Variants in KLF7 observed in about 807,000 individuals in gnomAD.
The protein encoded by KLF7 is KLF transcription factor 7, also known as Krueppel-like factor 7.
Under a neutral mutation model 27.3 loss-of-function variants are expected in KLF7, and 2 were observed. The observed-to-expected ratio is 0.07, with a 90% confidence interval of 0.03 to 0.23. The LOEUF is 0.23. Among genes scored for constraint, KLF7 ranks in the 10% least tolerant of loss-of-function variants. The pLI is 1.00. For synonymous variants in KLF7, 165 were observed against 162.4 expected (o/e 1.02, Z -0.12); for missense variants, 221 against 394.1 (o/e 0.56, Z 3.72).
intron 1 of KLF7, among the ~76,000 whole-genome samples, chr2:207,128,499 A>C (rs1021703968): frequency 6.6e-6 from 1 of 152,222 alleles, no homozygotes; most frequent in East Asian, 1.9e-4. Flanking sequence ...TATGATGAGA[A>C]ACAAGGTATC....
At chr2:207,129,035 A>G (rs1460124989) in intron 1 of KLF7, among the ~76,000 whole-genome samples, 3 of 152,240 alleles carry the variant, frequency 2.0e-5, no homozygotes, top group South Asian at 2.1e-4. Context: ...GCGTAACATT[A>G]GGGGAAGCTG....
upstream of KLF7, chr2:207,166,211 T>C: frequency 2.0e-6 from 2 of 982,400 alleles, no homozygotes; most frequent in African/African-American, 1.7e-5. Flanking sequence ...AACAGGGGGC[T>C]CATGAAGTCA....
chr2:207,140,584 T>C (rs2077912690), intron 1 of KLF7, among the ~76,000 whole-genome samples: 1 of 152,180 alleles, frequency 6.6e-6, no homozygotes, highest in Non-Finnish European at 1.5e-5. Context: ...TATAAAAATC[T>C]TGGATGCCAG....
At chr2:207,084,455 A>C (rs1227401321) in intron 3 of KLF7, among the ~76,000 whole-genome samples, 1 of 151,950 alleles carries the variant, frequency 6.6e-6, no homozygotes, top group Non-Finnish European at 1.5e-5. Context: ...AGTGGAAAAA[A>C]GTAAACCAAA....
intron 1 of KLF7, among the ~76,000 whole-genome samples, chr2:207,129,863 G>A (rs1038367003): frequency 6.6e-6 from 1 of 152,160 alleles, no homozygotes; most frequent in African/African-American, 2.4e-5. Context: ...GAATTTTCCA[G>A]AGACAGAAGT....
At chr2:207,165,403 C>T (rs1358013635) in intron 1 of KLF7, 64 bp downstream of exon 1, 2 of 1,610,662 alleles carry the variant, frequency 1.2e-6, no homozygotes. Flanking sequence ...AGAGCCCACA[C>T]CAACGCAGCC....
In KLF7 at chr2:207,081,114, T is replaced by C. The variant is rs76963273; in HGVS notation, c.*99A>G. On this transcript the variant is annotated 3_prime_UTR_variant, in exon 4 of 4. Transcript: ENST00000309446. ...AGGTTTATAAGTGAGAACTTTCTTC[T>C]GCGAGGCAATGGGTCCCCGCCTGAA... The C allele has an allele frequency of 6.0e-5, 58 of 972,288 alleles. No homozygotes were observed. In the East Asian group the frequency reaches 1.4e-3, roughly 23 times the overall value. The allele number at this position is 972,288 out of a possible 1,614,324, so 60.2% of individuals were successfully genotyped here. A position where few individuals can be genotyped will look rare whatever the true frequency, so the allele number is the denominator to read the frequency against.
chr2:207,106,118 T>C (rs2076877645), intron 2 of KLF7, among the ~76,000 whole-genome samples: 1 of 152,244 alleles, frequency 6.6e-6, no homozygotes, highest in South Asian at 2.1e-4. Context: ...AAATTATATA[T>C]GTGGCTCACA....
chr2:207,152,842 C>A (rs184792381), intron 1 of KLF7, among the ~76,000 whole-genome samples: 1 of 152,156 alleles, frequency 6.6e-6, no homozygotes, highest in Admixed American at 6.5e-5. Context: ...TAGTCACAAG[C>A]CCAAATGCAT....
In KLF7 at chr2:207,077,486, G is replaced by A. The variant is rs949003699; in HGVS notation, c.*3727C>T. 6.6e-6 allele frequency: 1 copy of A among 152,218 alleles called. No homozygotes were observed. Among genetic ancestry groups the A allele is most frequent in the Non-Finnish European group, 1.5e-5 (1 of 68,062 alleles). The allele number at this position is 152,218 out of a possible 1,614,324, so 9.4% of individuals were successfully genotyped here. On this transcript the variant is annotated 3_prime_UTR_variant, in exon 4 of 4. Transcript: ENST00000309446. The stretch of plus-strand genomic sequence containing the variant: ...AGGGCACAAGAGGTGCAGGTGGAGA[G>A]GAGATGGCGTCGAGAGAAGAGGATA...
At chr2:207,095,791 A>G (rs905534552) in intron 2 of KLF7, among the ~76,000 whole-genome samples, 1 of 152,234 alleles carries the variant, frequency 6.6e-6, no homozygotes, top group Non-Finnish European at 1.5e-5. Flanking sequence ...AGGAATTAGT[A>G]TTAAAAAAGA....
At chr2:207,088,102 T>C (rs994906330) in intron 3 of KLF7, among the ~76,000 whole-genome samples, 2 of 152,186 alleles carry the variant, frequency 1.3e-5, no homozygotes, top group African/African-American at 4.8e-5. Flanking sequence ...GTACTGACAT[T>C]GATACAAAGA....
intron 2 of KLF7, among the ~76,000 whole-genome samples, chr2:207,115,178 CA>C (rs373367434): frequency 0.011 from 1,551 of 136,590 alleles, 16 homozygotes; most frequent in African/African-American, 0.03. Context: ...ATGTCAGTTG[CA>C]AAAAAAAAAA....
At chr2:207,142,613 A>G (rs1263470419) in intron 1 of KLF7, among the ~76,000 whole-genome samples, 1 of 152,244 alleles carries the variant, frequency 6.6e-6, no homozygotes, top group Admixed American at 6.5e-5. Flanking sequence ...AGGTCAGTGA[A>G]GGCCTTGTGA....
chr2:207,111,766 G>A (rs2077044650), intron 2 of KLF7, among the ~76,000 whole-genome samples: 2 of 152,166 alleles, frequency 1.3e-5, no homozygotes, highest in Non-Finnish European at 2.9e-5. Context: ...AGAGTACGAT[G>A]AGAGGAAGCC....
chr2:207,104,588 C>A (rs1454654710), intron 2 of KLF7, among the ~76,000 whole-genome samples: 1 of 152,182 alleles, frequency 6.6e-6, no homozygotes, highest in Non-Finnish European at 1.5e-5. Flanking sequence ...CTAATTCTCT[C>A]AATAGCCCTA....
intron 2 of KLF7, among the ~76,000 whole-genome samples, chr2:207,117,201 T>C (rs1255933439): frequency 1.3e-5 from 2 of 152,248 alleles, no homozygotes; most frequent in East Asian, 3.8e-4. Flanking sequence ...TTGCTGTGTA[T>C]ATGCTGAGTT....
At chr2:207,134,153 G>GGTT (rs780914126) in intron 1 of KLF7, 1 of 1,297,550 alleles carries the variant, frequency 7.7e-7, no homozygotes, top group Admixed American at 3.9e-5. Context: ...GGGCTACTGG[G>GGTT]ATTTTTTTTT....
chr2:207,147,785 G>A (rs2284932), intron 1 of KLF7, among the ~76,000 whole-genome samples: 51,196 of 152,100 alleles, frequency 0.34, 9,698 homozygotes, highest in East Asian at 0.53. Context: ...AAGCTCCTGT[G>A]TAACACGATA....
Sources: gnomAD v4.1 joint callset for allele counts (sites outside exome capture counted in the v4.1 genomes callset) on GRCh38, gnomAD v4.1.1 for gene constraint, MANE v1.5 for transcripts, NCBI Gene and HGNC (gene_info 2026-07-23, HGNC 2026-07-21) for gene names.